Variants in RBFOX1 observed in about 807,000 individuals in gnomAD.
RBFOX1 encodes RNA binding fox-1 homolog 1, also known as RNA binding protein fox-1 homolog 1.
A neutral mutation model predicts 57.7 loss-of-function variants in RBFOX1; 8 were observed. That is an observed-to-expected ratio of 0.14 (90% CI 0.08 to 0.25). RBFOX1 has a LOEUF of 0.25. Ranked by LOEUF, RBFOX1 falls within the 10% of genes least tolerant of loss-of-function variation. The pLI is 1.00. For synonymous variants in RBFOX1, 326 were observed against 222.4 expected (o/e 1.47, Z -4.15); for missense variants, 611 against 548.5 (o/e 1.11, Z -1.14).
intron 4 of RBFOX1, among the ~76,000 whole-genome samples, chr16:7,207,205 T>C (rs2090169295): frequency 6.6e-6 from 1 of 152,242 alleles, no homozygotes; most frequent in Admixed American, 6.5e-5. Flanking sequence ...GTGTCTTCCG[T>C]AGCTGCTCAT....
rs183833481 is a variant in RBFOX1, at chr16:5,637,694, G to T, written c.318+38733G>T. ...ATGAATCCAGTAGTTCCCCAGGGAGGCAGATGGGGAAGGATCCCTAAGGGT... is the reference window on the plus strand; with the variant it reads ...ATGAATCCAGTAGTTCCCCAGGGAGTCAGATGGGGAAGGATCCCTAAGGGT... On this transcript the variant is annotated intron_variant, in intron 3 of 19. Coordinates refer to the RBFOX1 transcript ENST00000641259. Among the ~76,000 whole-genome samples, 601 of 152,276 alleles carry T rather than the reference G, an allele frequency of 3.9e-3. 3 individuals are homozygous for T. Among genetic ancestry groups the T allele is most frequent in the African/African-American group, 0.014 (586 of 41,554 alleles).
intron 4 of RBFOX1, among the ~76,000 whole-genome samples, chr16:7,350,522 G>A (rs1397537816): frequency 1.3e-5 from 2 of 152,162 alleles, no homozygotes; most frequent in Non-Finnish European, 2.9e-5. Flanking sequence ...AGAACACTAT[G>A]ATCTGATTGT....
chr16:6,542,525 T>C (rs1244055040), intron 2 of RBFOX1, among the ~76,000 whole-genome samples: 1 of 120,452 alleles, frequency 8.3e-6, no homozygotes, highest in Non-Finnish European at 1.7e-5. Flanking sequence ...AGTCTTGCTC[T>C]GTCACCCAGG....
chr16:6,016,062 A>T (rs963317747), upstream of RBFOX1, among the ~76,000 whole-genome samples: 4 of 152,372 alleles, frequency 2.6e-5, no homozygotes, highest in East Asian at 7.7e-4. Context: ...AATCTACTGC[A>T]GGAAAGAAGG....
At chr16:7,243,000 G>C (rs1364608023) in intron 4 of RBFOX1, among the ~76,000 whole-genome samples, 3 of 151,794 alleles carry the variant, frequency 2.0e-5, no homozygotes, top group East Asian at 3.9e-4. Context: ...TCTTGTTTTT[G>C]TTACTTGGAT....
intron 4 of RBFOX1, among the ~76,000 whole-genome samples, chr16:7,293,900 G>T (rs1421721889): frequency 1.3e-5 from 2 of 152,108 alleles, no homozygotes; most frequent in Non-Finnish European, 2.9e-5. Flanking sequence ...ATGAGACCCT[G>T]GGAAGGTCCA....
chr16:5,384,600 A>G (rs1420007401), intron 1 of RBFOX1, among the ~76,000 whole-genome samples: 2 of 152,222 alleles, frequency 1.3e-5, no homozygotes, highest in Non-Finnish European at 2.9e-5. Context: ...TCCAAAGGTG[A>G]TGAGGAGGCA....
intron 4 of RBFOX1, among the ~76,000 whole-genome samples, chr16:7,291,652 T>G (rs141627408): frequency 8.0e-4 from 121 of 151,964 alleles, no homozygotes; most frequent in Admixed American, 1.4e-3. Flanking sequence ...TTTGGGGGAA[T>G]GTTAAAATAG....
intron 5 of RBFOX1, among the ~76,000 whole-genome samples, chr16:7,567,609 T>A (rs111067678): frequency 0.53 from 12,190 of 22,842 alleles, 2,909 homozygotes; most frequent in Middle Eastern, 0.75. Context: ...ATATATCCCT[T>A]TATATGGCCC....
At chr16:6,871,195 C>CT (rs35970745) in intron 3 of RBFOX1, among the ~76,000 whole-genome samples, 7 of 151,982 alleles carry the variant, frequency 4.6e-5, no homozygotes, top group African/African-American at 1.5e-4. Context: ...ATCACCCCTG[C>CT]TTTTTTTGGA....
intron 3 of RBFOX1, among the ~76,000 whole-genome samples, chr16:6,709,419 A>T (rs1603449632): frequency 2.0e-5 from 3 of 152,274 alleles, no homozygotes; most frequent in Non-Finnish European, 2.9e-5. Context: ...TATGGGGTTT[A>T]AAAAAATACT....
chr16:7,097,296 C>G (rs1211330266), intron 4 of RBFOX1, among the ~76,000 whole-genome samples: 1 of 152,080 alleles, frequency 6.6e-6, no homozygotes, highest in Non-Finnish European at 1.5e-5. Flanking sequence ...GCTAGGCTGG[C>G]TCAGCCTCAG....
intron 1 of RBFOX1, among the ~76,000 whole-genome samples, chr16:6,066,518 G>C (rs2095765462): frequency 6.6e-6 from 1 of 152,068 alleles, no homozygotes; most frequent in Non-Finnish European, 1.5e-5. Context: ...TGGTTATGCA[G>C]TATTTTTCAA....
intron 1 of RBFOX1, among the ~76,000 whole-genome samples, chr16:6,041,294 C>A (rs981583020): frequency 6.6e-6 from 1 of 152,074 alleles, no homozygotes; most frequent in African/African-American, 2.4e-5. Flanking sequence ...TTTCATCCTT[C>A]TTTCAGGGGG....
At chr16:7,577,629 G>A (rs1301838894) in intron 5 of RBFOX1, among the ~76,000 whole-genome samples, 1 of 152,238 alleles carries the variant, frequency 6.6e-6, no homozygotes, top group Non-Finnish European at 1.5e-5. Context: ...TGGGGATGGT[G>A]GCTCACGCCT....
intron 4 of RBFOX1, among the ~76,000 whole-genome samples, chr16:7,464,855 C>G (rs542628761): frequency 6.6e-6 from 1 of 151,870 alleles, no homozygotes; most frequent in Non-Finnish European, 1.5e-5. Context: ...CGCCACCACG[C>G]CTGGCTAATT....
At chr16:7,242,322 A>C (rs1055865052) in intron 4 of RBFOX1, among the ~76,000 whole-genome samples, 1 of 152,206 alleles carries the variant, frequency 6.6e-6, no homozygotes, top group Non-Finnish European at 1.5e-5. Context: ...TAGGCATGAC[A>C]TATCATCATT....
intron 14 of RBFOX1, among the ~76,000 whole-genome samples, chr16:7,698,742 A>T (rs866501125): frequency 5.3e-5 from 8 of 152,268 alleles, no homozygotes; most frequent in African/African-American, 1.4e-4. Flanking sequence ...GATATGTATT[A>T]TAATAGGGAA....
chr16:6,667,075 C>T (rs183934244), intron 3 of RBFOX1, among the ~76,000 whole-genome samples: 2 of 152,090 alleles, frequency 1.3e-5, no homozygotes, highest in African/African-American at 4.8e-5. Flanking sequence ...GTACTTTCCT[C>T]TTTCATTTAT....
Sources: gnomAD v4.1 joint callset for allele counts (sites outside exome capture counted in the v4.1 genomes callset) on GRCh38, gnomAD v4.1.1 for gene constraint, MANE v1.5 for transcripts, NCBI Gene and HGNC (gene_info 2026-07-23, HGNC 2026-07-21) for gene names.